Variants in WEE1 observed in about 807,000 individuals in gnomAD.
The protein encoded by WEE1 is WEE1 G2 checkpoint kinase.
In WEE1, 16 loss-of-function variants were observed where a neutral mutation model predicts 68.8. The observed-to-expected ratio is 0.23, with a 90% CI of 0.16 to 0.35. The LOEUF (loss-of-function observed/expected upper bound fraction) is 0.35, where lower values mean the gene tolerates loss of function less well. Among genes scored for constraint, WEE1 ranks in the 10% least tolerant of loss-of-function variants. The probability of loss-of-function intolerance (pLI) is 1.00; values close to 1 mark genes in which losing one functional copy is unlikely to be tolerated. For missense variants in WEE1, 651 were observed against 824.1 expected (o/e 0.79, Z 2.57); for synonymous variants, 349 against 318.7 (o/e 1.09, Z -1.01).
Position 9,574,199 on chromosome 11 carries a change from T to C in WEE1, c.266T>C (p.Leu89Pro), listed in dbSNP as rs1481901514. 6.0e-6 allele frequency: 7 copies of C among 1,172,212 alleles called. No individual in the cohort carries two copies. Among genetic ancestry groups the C allele is most frequent in the Non-Finnish European group, 7.4e-6 (7 of 950,432 alleles). 72.6% of individuals were successfully genotyped at this position (1,172,212 alleles called of 1,614,324 possible). A position where few individuals can be genotyped will look rare whatever the true frequency, so the allele number is the denominator to read the frequency against. Residue 89 changes from leucine (L) to proline (P), a missense_variant, in exon 1 of 11, where the codon CTG becomes CCG. Leu to Pro is a moderately conservative substitution (Grantham distance 98). This residue lies in a region of WEE1 where 395 missense variants were observed against 378.4 expected (regional missense o/e 1.04). Coordinates refer to ENST00000450114, the MANE Select transcript of WEE1 (RefSeq NM_003390.4). This position sits in a 1 kb window ranked among gnomAD's most constrained non-coding sequence, Gnocchi z 4.9. ...PGPAPGSPGELEEDLLLPGAC... is the reference protein window; with the variant it reads ...PGPAPGSPGEPEEDLLLPGAC... Reference sequence around the variant, plus strand: ...CCGGCCCCCGGCAGCCCCGGCGAGCTGGAGGAGGACCTGTTGCTGCCCGGC... The same window carrying C: ...CCGGCCCCCGGCAGCCCCGGCGAGCCGGAGGAGGACCTGTTGCTGCCCGGC...
In WEE1 at chr11:9,575,997, A is replaced by C. The variant is rs752960652; in HGVS notation, c.686A>C (p.Gln229Pro). 1.9e-6 allele frequency: 3 copies of C among 1,614,162 alleles called. No homozygotes were observed. The East Asian group carries it at 6.7e-5, about 36-fold the overall frequency. ...GGAAAAAGGGAATTTGATGTGCGAC[A>C]GACTCCTCAAGTGAATATTAATCCT... ...KSGKREFDVR[Q>P]TPQVNINPFT... The change falls in exon 2 of 11, where the codon CAG becomes CCG. Residue 229 changes from glutamine to proline, a missense_variant. By Grantham distance (76) the Gln-to-Pro change is moderately conservative. Coordinates refer to ENST00000450114, the MANE Select transcript of WEE1 (RefSeq NM_003390.4).
Position 9,576,595 on chromosome 11 carries a change from A to C in WEE1, c.955A>C (p.Arg319=), listed in dbSNP as rs1692554765. Residue 319 remains arginine (R), a synonymous_variant, in exon 4 of 11, where the codon AGG becomes CGG. Transcript: ENST00000450114. This position sits in a 1 kb window ranked among gnomAD's most constrained non-coding sequence, Gnocchi z 4.3. The part of the protein sequence containing the change: ...EFGSVFKCVK[R]LDGCIYAIKR... Reference sequence around the variant, plus strand: ...TGGTTCTGTATTTAAGTGTGTGAAGAGGCTGGATGGATGCATTTATGCCAT... The same window carrying C: ...TGGTTCTGTATTTAAGTGTGTGAAGCGGCTGGATGGATGCATTTATGCCAT... The C allele has an allele frequency of 6.2e-7, 1 of 1,613,952 alleles. No individual in the cohort carries two copies. Among genetic ancestry groups the C allele is most frequent in the Admixed American group, 1.7e-5 (1 of 60,004 alleles).
At chr11:9,575,347 A>C (rs1048144030) in intron 1 of WEE1, 2 of 989,240 alleles carry the variant, frequency 2.0e-6, no homozygotes, top group Non-Finnish European at 2.4e-6. Flanking sequence ...CGCATTTGTA[A>C]GGTTAACAGG....
intron 5 of WEE1, 182 bp downstream of exon 5, chr11:9,577,445 C>T: frequency 1.5e-6 from 1 of 653,594 alleles, no homozygotes. Flanking sequence ...GCACCTTGTA[C>T]ATATCTCAGT....
intron 10 of WEE1, 87 bp downstream of exon 10, chr11:9,586,943 A>C (rs1455296036): frequency 1.4e-6 from 2 of 1,420,218 alleles, no homozygotes; most frequent in Admixed American, 2.5e-5. Flanking sequence ...GCTTTCTGTC[A>C]ACAAAGGATG....
chr11:9,581,840 C>G (rs1849631552), intron 6 of WEE1, among the ~76,000 whole-genome samples, 162 bp downstream of exon 6: 1 of 152,198 alleles, frequency 6.6e-6, no homozygotes, highest in African/African-American at 2.4e-5. Flanking sequence ...TTCTATTCAT[C>G]TCTTCCCTTG....
intron 6 of WEE1, among the ~76,000 whole-genome samples, chr11:9,583,761 G>GCACACACACA (rs1157681380): frequency 4.1e-4 from 20 of 48,906 alleles, no homozygotes; most frequent in African/African-American, 9.8e-4. Flanking sequence ...GCACGCGCGC[G>GCACACACACA]CACACACACA....
At chr11:9,579,472 C>T (rs1290222135) in intron 5 of WEE1, 2 of 152,150 alleles carry the variant, frequency 1.3e-5, no homozygotes, top group East Asian at 3.8e-4. Flanking sequence ...GCATTATAAG[C>T]CTTTTATCTT....
intron 5 of WEE1, chr11:9,577,992 T>C: frequency 2.3e-6 from 1 of 436,432 alleles, no homozygotes; most frequent in Non-Finnish European, 4.5e-6. Flanking sequence ...ACGTCTGTCA[T>C]TATTATATAC....
chr11:9,589,616 A>G lies in WEE1; in HGVS notation c.*1014A>G, dbSNP rs1286847285. The G allele has an allele frequency of 1.0e-6, 1 of 985,362 alleles. No homozygotes were observed. The highest frequency in any genetic ancestry group is 1.2e-6 in the Non-Finnish European group (1 of 829,858). The allele number at this position is 985,362 out of a possible 1,614,324, so 61.0% of individuals were successfully genotyped here. Reference sequence around the variant, plus strand: ...TTATCTGTGATTAGCCATTTGACTAATAATACTGGCTAACAGATGTTGAAA... The same window carrying G: ...TTATCTGTGATTAGCCATTTGACTAGTAATACTGGCTAACAGATGTTGAAA... On this transcript the variant is annotated 3_prime_UTR_variant, in exon 11 of 11. Transcript: ENST00000450114.
chr11:9,583,761 G>GCACA (rs1157681380), intron 6 of WEE1, among the ~76,000 whole-genome samples: 66 of 48,852 alleles, frequency 1.4e-3, no homozygotes, highest in South Asian at 6.3e-3. Flanking sequence ...GCACGCGCGC[G>GCACA]CACACACACA....
intron 1 of WEE1, chr11:9,575,149 C>G (rs960134228): frequency 1.0e-6 from 1 of 985,392 alleles, no homozygotes; most frequent in African/African-American, 1.7e-5. Context: ...TTGTTTTTAT[C>G]GTGGGTTTGC....
chr11:9,583,070 C>G (rs542914258), intron 6 of WEE1, among the ~76,000 whole-genome samples: 6 of 152,034 alleles, frequency 3.9e-5, no homozygotes, highest in Admixed American at 1.3e-4. Flanking sequence ...AATCCCAGCA[C>G]TCTGGCAGGC....
At chr11:9,585,374 A>T (rs1202194269) in intron 7 of WEE1, 21 bp downstream of exon 7, 1 of 1,611,084 alleles carries the variant, frequency 6.2e-7, no homozygotes, top group South Asian at 1.1e-5. Flanking sequence ...TAATCAGATT[A>T]TTACCTTCAG....
At chr11:9,585,216 T>A in intron 6 of WEE1, 42 bp from the exon 7 acceptor site, 1 of 1,423,974 alleles carries the variant, frequency 7.0e-7, no homozygotes, top group Non-Finnish European at 9.9e-7. Context: ...AACTCTGGTT[T>A]TATTATTATT....
At position 9,589,511 on chromosome 11, in the gene WEE1, C is replaced by T. The variant is rs944211107; in HGVS notation, c.*909C>T. ...TCTCTTCAATATTTGTGTATATAAACCGATCTTCGTGATACTGTACATAGC... is the reference window on the plus strand; with the variant it reads ...TCTCTTCAATATTTGTGTATATAAATCGATCTTCGTGATACTGTACATAGC... On this transcript the variant is annotated 3_prime_UTR_variant, in exon 11 of 11. Coordinates refer to ENST00000450114, the MANE Select transcript of WEE1 (RefSeq NM_003390.4). 1.1e-5 allele frequency: 11 copies of T among 985,280 alleles called. No individual in the cohort carries two copies. Among genetic ancestry groups the T allele is most frequent in the Non-Finnish European group, 1.3e-5 (11 of 829,838 alleles). The allele number at this position is 985,280 out of a possible 1,614,324, so 61.0% of individuals were successfully genotyped here.
In WEE1 at chr11:9,574,353, G is replaced by T. The variant is rs778207200; in HGVS notation, c.420G>T (p.Pro140=). The change falls in exon 1 of 11, where the codon CCG becomes CCT. Residue 140 remains proline, a synonymous_variant. Transcript: ENST00000450114. This position sits in a 1 kb window ranked among gnomAD's most constrained non-coding sequence, Gnocchi z 4.9. Reference sequence around the variant, plus strand: ...ACTTCCTGGGTAGCTCTTTCTCGCCGGTGCGCTGCGGCGGCCCAGGAGATG... The same window carrying T: ...ACTTCCTGGGTAGCTCTTTCTCGCCTGTGCGCTGCGGCGGCCCAGGAGATG... The part of the protein sequence containing the change: ...APYFLGSSFS[P]VRCGGPGDAS... 6.4e-4 allele frequency: 795 copies of T among 1,247,578 alleles called. No homozygotes were observed. The highest frequency in any genetic ancestry group is 7.5e-4 in the Non-Finnish European group (750 of 996,708). 77.3% of individuals were successfully genotyped at this position (1,247,578 alleles called of 1,614,324 possible).
In WEE1 at chr11:9,576,096, A is replaced by G. The variant is rs144528960; in HGVS notation, c.782+3A>G. 3.1e-4 allele frequency: 505 copies of G among 1,613,956 alleles called. 1 individual carries two copies. In the African/African-American group the frequency reaches 4.7e-3, roughly 15 times the overall value. ...AGAAAGAGAACGTATTGGAATGAGT[A>G]AGTCGTTTATTTAACAGTTTGGTTC... is the stretch of plus-strand genomic sequence containing the variant. On this transcript the variant is annotated splice_donor_region_variant and intron_variant, in intron 2 of 10. Coordinates refer to ENST00000450114, the MANE Select transcript of WEE1 (RefSeq NM_003390.4). The surrounding 1 kb of genome is among the most constrained non-coding windows in gnomAD (Gnocchi z 4.3).
Position 9,581,675 on chromosome 11 carries a change from C to G in WEE1, c.1285C>G (p.Pro429Ala). ...SMSLVHMDIKPSNIFISRTSI... is the reference protein window; with the variant it reads ...SMSLVHMDIKASNIFISRTSI... Reference sequence around the variant, plus strand: ...GTCTTTGGTTCACATGGATATAAAACCTAGTAAGTATTGCAGATCTTCTGA... The same window carrying G: ...GTCTTTGGTTCACATGGATATAAAAGCTAGTAAGTATTGCAGATCTTCTGA... The change falls in exon 6 of 11, where the codon CCT becomes GCT. Residue 429 changes from proline (P) to alanine (A), a missense_variant. Coordinates refer to ENST00000450114, the MANE Select transcript of WEE1 (RefSeq NM_003390.4). 6.2e-7 allele frequency: 1 copy of G among 1,610,578 alleles called. No individual in the cohort carries two copies. Among genetic ancestry groups the G allele is most frequent in the Non-Finnish European group, 8.5e-7 (1 of 1,179,152 alleles).
Sources: gnomAD v4.1 joint callset for allele counts (sites outside exome capture counted in the v4.1 genomes callset) on GRCh38, gnomAD v4.1.1 for gene constraint, gnomAD v4.1.1 regional missense constraint, Gnocchi (gnomAD v3.1) non-coding constraint, MANE v1.5 for transcripts, NCBI Gene and HGNC (gene_info 2026-07-23, HGNC 2026-07-21) for gene names.